Variants in CACNA2D3 observed in about 807,000 individuals in gnomAD.
CACNA2D3 encodes calcium voltage-gated channel auxiliary subunit alpha2delta 3, also known as voltage-dependent calcium channel subunit alpha-2/delta-3.
CACNA2D3 carries 60 observed loss-of-function variants against 160.6 expected under a neutral mutation model. The ratio of observed to expected loss-of-function variants is 0.37; its 90% CI spans 0.30 to 0.46. The LOEUF is 0.46. CACNA2D3 is among the 20% of genes least tolerant of loss of function. The probability of loss-of-function intolerance (pLI) is 1.00; values close to 1 mark genes in which losing one functional copy is unlikely to be tolerated. For synonymous variants in CACNA2D3, 558 were observed against 492.9 expected (o/e 1.13, Z -1.75); for missense variants, 1,205 against 1,365.0 (o/e 0.88, Z 1.85).
chr3:55,018,147 C>G, intron 34 of CACNA2D3, 59 bp from the exon 35 acceptor site: 1 of 1,080,610 alleles, frequency 9.3e-7, no homozygotes, highest in Admixed American at 1.9e-5. Context: ...GGCTGCCAGT[C>G]ACAATTTTGA....
intron 26 of CACNA2D3, among the ~76,000 whole-genome samples, chr3:54,899,579 G>A (rs550703214): frequency 4.6e-5 from 7 of 152,228 alleles, no homozygotes; most frequent in South Asian, 4.2e-4. Flanking sequence ...AACTCAACTC[G>A]CCAATTCCTT....
At chr3:54,911,946 A>C (rs954703554) in intron 27 of CACNA2D3, among the ~76,000 whole-genome samples, 1 of 152,128 alleles carries the variant, frequency 6.6e-6, no homozygotes, top group Non-Finnish European at 1.5e-5. Context: ...GTGAGTCAGG[A>C]CTCTGGGTGC....
At chr3:54,764,632 G>T (rs990360823) in intron 13 of CACNA2D3, among the ~76,000 whole-genome samples, 1 of 152,140 alleles carries the variant, frequency 6.6e-6, no homozygotes, top group African/African-American at 2.4e-5. Flanking sequence ...TTTCACATGT[G>T]TTCAAATTCT....
At chr3:54,596,019 A>G (rs1047559570) in intron 9 of CACNA2D3, among the ~76,000 whole-genome samples, 2 of 152,112 alleles carry the variant, frequency 1.3e-5, no homozygotes, top group African/African-American at 4.8e-5. Flanking sequence ...ATTAACTATG[A>G]AGGGAAAGCA....
chr3:54,737,155 C>T (rs1345877814), intron 11 of CACNA2D3, among the ~76,000 whole-genome samples: 1 of 149,880 alleles, frequency 6.7e-6, no homozygotes, highest in Non-Finnish European at 1.5e-5. Context: ...AATATATCTC[C>T]ATCATGAAGC....
At chr3:54,898,765 T>A (rs374928433) in intron 26 of CACNA2D3, among the ~76,000 whole-genome samples, 1 of 152,180 alleles carries the variant, frequency 6.6e-6, no homozygotes, top group Admixed American at 6.5e-5. Context: ...CACCAAACTT[T>A]CAATGTAATG....
rs944859916 is a variant in CACNA2D3 at position 54,606,814 on chromosome 3, TC to T, written c.964-20970del. Among the ~76,000 whole-genome samples, 45 of 152,180 alleles carry T rather than the reference TC, an allele frequency of 3.0e-4. 2 individuals carry two copies. The highest frequency in any genetic ancestry group is 1.1e-3 in the African/African-American group (44 of 41,510). On this transcript the variant is annotated intron_variant, in intron 9 of 37. Transcript: ENST00000474759. Reference sequence around the variant, plus strand: ...CTACTTCTTTTCACCCCCTCTCTAATCCCTCTTTGCTCAACTCTGACTATAA... The same window carrying T: ...CTACTTCTTTTCACCCCCTCTCTAATCCTCTTTGCTCAACTCTGACTATAA...
chr3:54,625,774 C>T (rs1699084927), intron 9 of CACNA2D3, among the ~76,000 whole-genome samples: 1 of 152,158 alleles, frequency 6.6e-6, no homozygotes, highest in Admixed American at 6.5e-5. Context: ...TGACTGGGGG[C>T]TCCTACTGCT....
In CACNA2D3 at chr3:54,542,723, C is replaced by A. The variant is rs1053324655; in HGVS notation, c.545-20077C>A. On this transcript the variant is annotated intron_variant, in intron 5 of 37. Coordinates refer to ENST00000474759, the MANE Select transcript of CACNA2D3 (RefSeq NM_018398.3). ...CTGGCGGCTGATTAGATGGTGCCACCCAGATGGAGGGTGGTGGGTCTGCCT... is the reference window on the plus strand; with the variant it reads ...CTGGCGGCTGATTAGATGGTGCCACACAGATGGAGGGTGGTGGGTCTGCCT... Among the ~76,000 whole-genome samples, 4 of 152,090 alleles carry A rather than the reference C, an allele frequency of 2.6e-5. No individual in the cohort carries two copies. The South Asian group carries it at 6.2e-4, about 24-fold the overall frequency.
intron 21 of CACNA2D3, among the ~76,000 whole-genome samples, chr3:54,882,428 C>A (rs1699822396): frequency 6.6e-6 from 1 of 152,144 alleles, no homozygotes; most frequent in South Asian, 2.1e-4. Context: ...GACACAGATA[C>A]ACACAGTTGT....
chr3:54,933,764 T>G (rs1701263869), intron 27 of CACNA2D3, among the ~76,000 whole-genome samples: 1 of 148,838 alleles, frequency 6.7e-6, no homozygotes, highest in East Asian at 2.0e-4. Flanking sequence ...CTATTACTTT[T>G]TTTTTTTTTT....
chr3:54,901,879 C>T (rs989909469), intron 27 of CACNA2D3, among the ~76,000 whole-genome samples: 5 of 152,162 alleles, frequency 3.3e-5, no homozygotes, highest in African/African-American at 1.2e-4. Flanking sequence ...CTTCAGCACC[C>T]CCTCCCCAAG....
Position 54,321,922 on chromosome 3 carries a change from C to CAAAAAAA in CACNA2D3, c.321+1378_321+1384dup, listed in dbSNP as rs1214395409. Among the ~76,000 whole-genome samples, 5 of 100,704 alleles carry CAAAAAAA rather than the reference C, an allele frequency of 5.0e-5. 1 individual carries two copies. The highest frequency in any genetic ancestry group is 1.2e-4 in the African/African-American group (3 of 25,384). The allele number at this position is 100,704 out of a possible 152,430, so 66.1% of individuals were successfully genotyped here. On this transcript the variant is annotated intron_variant, in intron 3 of 37. Coordinates refer to ENST00000474759, the MANE Select transcript of CACNA2D3 (RefSeq NM_018398.3). Reference sequence around the variant, plus strand: ...AAGTGCTTATTTTCTGAAATCCTTGCAAAAAAAAAAAAAAAAAAAACTAGT... The same window carrying CAAAAAAA: ...AAGTGCTTATTTTCTGAAATCCTTGCAAAAAAAAAAAAAAAAAAAAAAAAAAACTAGT...
At chr3:54,144,284 T>C (rs1315807228) in intron 2 of CACNA2D3, among the ~76,000 whole-genome samples, 3 of 152,192 alleles carry the variant, frequency 2.0e-5, no homozygotes, top group African/African-American at 7.2e-5. Context: ...TTTTCCCCAG[T>C]GTGGAGCATG....
chr3:54,993,029 T>G (rs578087659), intron 31 of CACNA2D3, among the ~76,000 whole-genome samples: 1 of 152,084 alleles, frequency 6.6e-6, no homozygotes, highest in Non-Finnish European at 1.5e-5. Context: ...TCACTCACTA[T>G]CACAAGAGCA....
intron 15 of CACNA2D3, 70 bp downstream of exon 15, chr3:54,837,300 G>C: frequency 8.2e-7 from 1 of 1,226,080 alleles, no homozygotes; most frequent in Non-Finnish European, 1.2e-6. Context: ...TCTGACTCCA[G>C]CTCTGGTGAC....
chr3:54,918,047 A>G (rs747040084), intron 27 of CACNA2D3, among the ~76,000 whole-genome samples: 12 of 152,132 alleles, frequency 7.9e-5, no homozygotes, highest in Non-Finnish European at 1.6e-4. Context: ...CAAGCACTCA[A>G]AATTGGGCAG....
chr3:54,821,716 CCTCTCT>C lies in CACNA2D3; in HGVS notation c.1398+4861_1398+4866del, dbSNP rs144564494. Among the ~76,000 whole-genome samples the C allele has an allele frequency of 2.9e-3, 323 of 112,750 alleles. 3 individuals are homozygous for C. The highest frequency in any genetic ancestry group is 9.9e-3 in the African/African-American group (293 of 29,746). The allele number at this position is 112,750 out of a possible 152,430, so 74.0% of individuals were successfully genotyped here. A position where few individuals can be genotyped will look rare whatever the true frequency, so the allele number is the denominator to read the frequency against. ...TCTTTCTTTCCTTCCTTCCTTCTTT[CCTCTCT>C]CTCTCTCTCTCTCTTTCTCTCTCTC... On this transcript the variant is annotated intron_variant, in intron 14 of 37. Transcript: ENST00000474759.
chr3:54,872,985 C>G (rs1173942754), intron 18 of CACNA2D3, among the ~76,000 whole-genome samples: 3 of 152,064 alleles, frequency 2.0e-5, no homozygotes, highest in Non-Finnish European at 1.5e-5. Flanking sequence ...GAGTGCCACT[C>G]AGGTTTTAGA....
Sources: allele counts gnomAD v4.1 joint callset (sites outside exome capture counted in the v4.1 genomes callset), GRCh38; gene constraint gnomAD v4.1.1; transcripts MANE v1.5; gene names NCBI Gene and HGNC (gene_info 2026-07-23, HGNC 2026-07-21).